Variants in GLIS3 observed in about 807,000 individuals in gnomAD.
GLIS3 encodes the protein zinc finger protein GLIS3.
In GLIS3, 53 loss-of-function variants were observed where a neutral mutation model predicts 78.6. That is an observed-to-expected ratio of 0.67 (90% CI 0.54 to 0.85). The LOEUF (loss-of-function observed/expected upper bound fraction) is 0.85. Ranked by LOEUF, GLIS3 falls within the 40% of genes least tolerant of loss-of-function variation. The pLI, the probability that GLIS3 is intolerant of heterozygous loss-of-function variation, is 0.00. For synonymous variants in GLIS3, 684 were observed against 509.9 expected (o/e 1.34, Z -4.60); for missense variants, 1,703 against 1,231.1 (o/e 1.38, Z -5.74).
At chr9:4,100,952 A>G (rs1393660732) in intron 4 of GLIS3, among the ~76,000 whole-genome samples, 1 of 152,208 alleles carries the variant, frequency 6.6e-6, no homozygotes, top group Non-Finnish European at 1.5e-5. Context: ...GTTATGTAAT[A>G]TAATAGCCAG....
chr9:4,484,239 A>T, the GLIS3 span, among the ~76,000 whole-genome samples: 2,116 of 126,962 alleles, frequency 0.017, 97 homozygotes, highest in African/African-American at 0.067. Flanking sequence ...TTTTTTTTTT[A>T]TTTTTTTTAT....
At chr9:3,946,240 G>C (rs1285188227) in intron 4 of GLIS3, among the ~76,000 whole-genome samples, 1 of 152,204 alleles carries the variant, frequency 6.6e-6, no homozygotes, top group Non-Finnish European at 1.5e-5. Flanking sequence ...ATAAGAACAA[G>C]GTACTGAGTC....
chr9:4,258,802 C>G (rs13301504), intron 2 of GLIS3, among the ~76,000 whole-genome samples: 22,466 of 152,112 alleles, frequency 0.15, 1,773 homozygotes, highest in African/African-American at 0.17. Flanking sequence ...TACCTGGAAA[C>G]AAAATACTGC....
chr9:3,905,083 C>T (rs2130644400), intron 6 of GLIS3, among the ~76,000 whole-genome samples: 2 of 151,888 alleles, frequency 1.3e-5, no homozygotes, highest in South Asian at 4.2e-4. Context: ...TGCCATTCTC[C>T]TGCCTCAGCC....
chr9:4,027,749 C>T (rs933521330), intron 4 of GLIS3, among the ~76,000 whole-genome samples: 1 of 152,194 alleles, frequency 6.6e-6, no homozygotes, highest in African/African-American at 2.4e-5. Context: ...GCCTCCTAAC[C>T]AGTCCATTAT....
the GLIS3 span, among the ~76,000 whole-genome samples, chr9:4,487,575 T>G: frequency 0.21 from 31,831 of 151,950 alleles, 3,452 homozygotes; most frequent in Middle Eastern, 0.31. Context: ...AAAGTTGTGA[T>G]GTACACATAG....
At chr9:4,057,962 T>C (rs1005435635) in intron 4 of GLIS3, among the ~76,000 whole-genome samples, 3 of 152,180 alleles carry the variant, frequency 2.0e-5, no homozygotes, top group African/African-American at 7.2e-5. Flanking sequence ...AAAATATGTA[T>C]AGGTGTTTAT....
chr9:4,429,310 A>G, the GLIS3 span, among the ~76,000 whole-genome samples: 46 of 151,902 alleles, frequency 3.0e-4, no homozygotes, highest in African/African-American at 9.2e-4. Context: ...CCCTCTCTCC[A>G]GCCTCATGCC....
intron 7 of GLIS3, among the ~76,000 whole-genome samples, chr9:3,887,220 G>A (rs1327453804): frequency 1.3e-5 from 2 of 152,074 alleles, no homozygotes; most frequent in African/African-American, 4.8e-5. Context: ...GGATCGGGTG[G>A]CTGTCAGACT....
chr9:4,075,174 G>C (rs1020428097), intron 4 of GLIS3, among the ~76,000 whole-genome samples: 1 of 150,522 alleles, frequency 6.6e-6, no homozygotes, highest in African/African-American at 2.5e-5. Context: ...ATGGTACCAC[G>C]AGTGTATGCA....
intron 4 of GLIS3, among the ~76,000 whole-genome samples, chr9:4,025,346 C>T (rs2130196566): frequency 6.6e-6 from 1 of 152,232 alleles, no homozygotes; most frequent in Non-Finnish European, 1.5e-5. Flanking sequence ...CTCTAGATAT[C>T]AGACCATATA....
the GLIS3 span, among the ~76,000 whole-genome samples, chr9:4,426,460 C>A: frequency 6.6e-6 from 1 of 152,238 alleles, no homozygotes; most frequent in Admixed American, 6.5e-5. Context: ...TGCCCTCTGT[C>A]TCTGCTCAGG....
chr9:4,375,775 G>C, the GLIS3 span, among the ~76,000 whole-genome samples: 3 of 152,084 alleles, frequency 2.0e-5, no homozygotes, highest in South Asian at 4.1e-4. Context: ...GAGTGGGAAA[G>C]TTTTAGAACC....
At chr9:3,959,704 CA>C (rs1817412712) in intron 4 of GLIS3, among the ~76,000 whole-genome samples, 1 of 152,196 alleles carries the variant, frequency 6.6e-6, no homozygotes, top group African/African-American at 2.4e-5. Flanking sequence ...TTCTCAGGAA[CA>C]TTTCTTCCCC....
At chr9:4,178,193 C>A (rs2208561) in intron 2 of GLIS3, among the ~76,000 whole-genome samples, 1 of 152,218 alleles carries the variant, frequency 6.6e-6, no homozygotes, top group Admixed American at 6.5e-5. Context: ...AGGTGGACTA[C>A]GCATTTACAC....
chr9:4,058,427 G>A (rs1319828383), intron 4 of GLIS3, among the ~76,000 whole-genome samples: 1 of 149,666 alleles, frequency 6.7e-6, no homozygotes, highest in Non-Finnish European at 1.5e-5. Flanking sequence ...AGACTCCCGA[G>A]ACATATTTCC....
At chr9:4,387,076 G>A in the GLIS3 span, among the ~76,000 whole-genome samples, 2 of 152,146 alleles carry the variant, frequency 1.3e-5, no homozygotes, top group African/African-American at 4.8e-5. Context: ...TAGGCAACAG[G>A]AAATGAATTT....
At chr9:4,276,301 AG>A (rs922614852) in intron 2 of GLIS3, among the ~76,000 whole-genome samples, 62 of 135,660 alleles carry the variant, frequency 4.6e-4, no homozygotes, top group African/African-American at 1.7e-3. Flanking sequence ...ATAGAGGAGA[AG>A]AGAAGAAAAT....
intron 4 of GLIS3, among the ~76,000 whole-genome samples, chr9:4,107,664 A>T (rs556893777): frequency 8.5e-5 from 13 of 152,150 alleles, no homozygotes; most frequent in East Asian, 1.9e-4. Context: ...AGTATCTTTC[A>T]TCTCATTCCT....
Sources: gnomAD v4.1 joint callset for allele counts (sites outside exome capture counted in the v4.1 genomes callset) on GRCh38, gnomAD v4.1.1 for gene constraint, MANE v1.5 for transcripts, NCBI Gene and HGNC (gene_info 2026-07-23, HGNC 2026-07-21) for gene names.